The following LIMCH1 variants were observed in gnomAD, a reference collection of about 807,000 sequenced individuals.
LIMCH1 encodes the protein LIM and calponin homology domains-containing protein 1.
LIMCH1 carries 113 observed loss-of-function variants against 176.5 expected under a neutral mutation model. The ratio of observed to expected loss-of-function variants is 0.64; its 90% confidence interval spans 0.55 to 0.75. The LOEUF is 0.75. LIMCH1 is among the 30% of genes least tolerant of loss of function. The pLI, the probability that LIMCH1 is intolerant of heterozygous loss-of-function variation, is 0.00. For missense variants in LIMCH1, 1,674 were observed against 1,814.9 expected (o/e 0.92, Z 1.41); for synonymous variants, 619 against 645.9 (o/e 0.96, Z 0.63).
Position 41,360,900 on chromosome 4 carries a change from C to T in LIMCH1, c.60C>T (p.Pro20=), listed in dbSNP as rs772963610. 8.8e-6 allele frequency: 14 copies of T among 1,589,288 alleles called. No individual in the cohort carries two copies. In the African/African-American group the frequency reaches 1.6e-4, roughly 18 times the overall value. Residue 20 remains proline (P), a synonymous_variant, in exon 1 of 27, where the codon CCC becomes CCT. Transcript: ENST00000313860. The surrounding 1 kb of genome is among the most constrained non-coding windows in gnomAD (Gnocchi z 4.5). ...AGCCCCTGCAGCCCGAGCCGCCCCC[C>T]GAGCCCGCCTTCTCCGAGGCGCAGA...
intron 4 of LIMCH1, among the ~76,000 whole-genome samples, chr4:41,610,662 G>A (rs1010651847): frequency 6.6e-6 from 1 of 152,084 alleles, no homozygotes; most frequent in African/African-American, 2.4e-5. Flanking sequence ...GTTATTATTA[G>A]TCCCATTTTA....
intron 1 of LIMCH1, chr4:41,472,966 A>G: frequency 1.9e-5 from 18 of 946,288 alleles, no homozygotes; most frequent in Non-Finnish European, 2.3e-5. Context: ...ACTTTGGGAA[A>G]TGCTGCTGTA....
At chr4:41,681,520 C>T (rs114855292) in intron 25 of LIMCH1, among the ~76,000 whole-genome samples, 10,575 of 152,006 alleles carry the variant, frequency 0.07, 397 homozygotes, top group South Asian at 0.12. Flanking sequence ...TTGCTTCTAA[C>T]CCCCCCACAT....
At chr4:41,534,855 C>T (rs991843128), upstream of LIMCH1, among the ~76,000 whole-genome samples, 1 of 151,960 alleles carries the variant, frequency 6.6e-6, no homozygotes, top group Non-Finnish European at 1.5e-5. Flanking sequence ...AGCAATTGCA[C>T]TTAGAATTGA....
chr4:41,384,474 C>T (rs2056206858), intron 1 of LIMCH1, among the ~76,000 whole-genome samples: 1 of 152,092 alleles, frequency 6.6e-6, no homozygotes, highest in Admixed American at 6.5e-5. Flanking sequence ...TCCCAAAGTG[C>T]TGGGATTACA....
intron 31 of LIMCH1, among the ~76,000 whole-genome samples, chr4:41,695,712 T>C (rs1345159464): frequency 6.6e-6 from 1 of 152,150 alleles, no homozygotes; most frequent in Non-Finnish European, 1.5e-5. Flanking sequence ...CATTAATATC[T>C]TTAGGCTAAT....
At chr4:41,450,791 TCTCTCTCAAAAAAAAAAAAAAAAAAAAAA>T (rs2063783644) in intron 1 of LIMCH1, among the ~76,000 whole-genome samples, 1 of 111,784 alleles carries the variant, frequency 8.9e-6, no homozygotes, top group Admixed American at 1.0e-4. Context: ...CAAGACTCTC[TCTCTCTCAAAAAAAAAAAAAAAAAAAAAA>T]AAAGTTGTAG....
chr4:41,657,140 G>A (rs2094486858), intron 18 of LIMCH1, among the ~76,000 whole-genome samples: 1 of 152,234 alleles, frequency 6.6e-6, no homozygotes, highest in Non-Finnish European at 1.5e-5. Context: ...GCTCCTGGCT[G>A]AGTCCCATGC....
chr4:41,632,511 C>T lies in LIMCH1; in HGVS notation c.1602-238C>T, dbSNP rs79248470. On this transcript the variant is annotated intron_variant, in intron 10 of 31. Coordinates refer to ENST00000503057, the MANE Select transcript of LIMCH1 (RefSeq NM_001330672.2). Reference sequence around the variant, plus strand: ...CCTCGAGGCCTTGAATCCTGAGAGGCCCATCATTCAGTCTTGTGGTGACAG... The same window carrying T: ...CCTCGAGGCCTTGAATCCTGAGAGGTCCATCATTCAGTCTTGTGGTGACAG... 2.0e-3 allele frequency among the ~76,000 whole-genome samples: 304 copies of T among 152,242 alleles called. 8 individuals are homozygous for T. The East Asian group carries it at 0.053, about 27-fold the overall frequency.
chr4:41,619,404 C>G lies in LIMCH1; in HGVS notation c.422C>G (p.Thr141Ser), dbSNP rs774673385. 6.2e-7 allele frequency: 1 copy of G among 1,612,410 alleles called. No individual in the cohort carries two copies. Among genetic ancestry groups the G allele is most frequent in the South Asian group, 1.1e-5 (1 of 91,076 alleles). ...GAGGAATACCGCAAGAGCTGGAGTA[C>G]CGCCACCTCCCCGCTGGGTGGGGAG... is the stretch of plus-strand genomic sequence containing the variant. ...EREEYRKSWSTATSPLGGERP... is the reference protein window; with the variant it reads ...EREEYRKSWSSATSPLGGERP... The change falls in exon 6 of 32, where the codon ACC (threonine) becomes AGC (serine). Residue 141 changes from threonine to serine, a missense_variant. Physicochemically the swap from Thr to Ser is moderately conservative, Grantham distance 58 (BLOSUM62 1). This residue lies in a region of LIMCH1 where 655 missense variants were observed against 692.2 expected (regional missense o/e 0.95). Coordinates refer to ENST00000503057, the MANE Select transcript of LIMCH1 (RefSeq NM_001330672.2).
At chr4:41,612,847 CTTTCTTTTTT>C in intron 4 of LIMCH1, 1 of 1,190,098 alleles carries the variant, frequency 8.4e-7, no homozygotes, top group Non-Finnish European at 1.1e-6. Flanking sequence ...TTTTCATTGC[CTTTCTTTTTT>C]TTTTTTTTTT....
intron 1 of LIMCH1, among the ~76,000 whole-genome samples, chr4:41,481,568 G>A (rs2068630503): frequency 6.6e-6 from 1 of 152,208 alleles, no homozygotes; most frequent in African/African-American, 2.4e-5. Flanking sequence ...TGGCTGGAGT[G>A]GAAGCAGAGA....
chr4:41,498,545 C>T (rs1409975928), intron 2 of LIMCH1, among the ~76,000 whole-genome samples: 5 of 152,154 alleles, frequency 3.3e-5, no homozygotes, highest in African/African-American at 9.7e-5. Flanking sequence ...GAACCCTCTT[C>T]TGAGTATTTA....
rs527956621 is a variant in LIMCH1, at chr4:41,573,445, A to T, written c.-240-25475A>T. ...TCTAGTAATTTCTCTGTATGTTGAT[A>T]TGTATGTAAATGACATGGTTGAGGT... On this transcript the variant is annotated intron_variant, in intron 1 of 31. Coordinates refer to ENST00000503057, the MANE Select transcript of LIMCH1 (RefSeq NM_001330672.2). 7.2e-5 allele frequency among the ~76,000 whole-genome samples: 11 copies of T among 152,352 alleles called. No homozygotes were observed. In the East Asian group the frequency reaches 2.1e-3, roughly 29 times the overall value.
chr4:41,478,175 T>C (rs1474429125), intron 1 of LIMCH1, among the ~76,000 whole-genome samples: 1 of 152,190 alleles, frequency 6.6e-6, no homozygotes, highest in Non-Finnish European at 1.5e-5. Flanking sequence ...GAGAATTACA[T>C]GAAACAAATA....
chr4:41,529,061 CT>C (rs1183771809), intron 3 of LIMCH1, among the ~76,000 whole-genome samples: 1 of 152,092 alleles, frequency 6.6e-6, no homozygotes, highest in African/African-American at 2.4e-5. Context: ...ATACTGTTTG[CT>C]GCTGCCAGAG....
intron 18 of LIMCH1, among the ~76,000 whole-genome samples, chr4:41,655,712 T>C (rs2152960005): frequency 6.6e-6 from 1 of 151,972 alleles, no homozygotes; most frequent in South Asian, 2.1e-4. Context: ...TTGTAGAGAA[T>C]GGGGTCTCAC....
Position 41,605,951 on chromosome 4 carries a change from G to A in LIMCH1, c.-45G>A, listed in dbSNP as rs762835260. Reference sequence around the variant, plus strand: ...AGCAAACAGCTGCACATCCTACAGCGGAACGACACTAAACCTGAAGGAGTT... The same window carrying A: ...AGCAAACAGCTGCACATCCTACAGCAGAACGACACTAAACCTGAAGGAGTT... On this transcript the variant is annotated 5_prime_UTR_variant, in exon 4 of 32. Transcript: ENST00000503057. The A allele has an allele frequency of 6.2e-5, 100 of 1,613,660 alleles. No individual in the cohort carries two copies. Among genetic ancestry groups the A allele is most frequent in the Admixed American group, 2.3e-4 (14 of 59,994 alleles).
At chr4:41,386,552 C>T (rs547669321) in intron 1 of LIMCH1, among the ~76,000 whole-genome samples, 37 of 152,068 alleles carry the variant, frequency 2.4e-4, no homozygotes, top group Non-Finnish European at 4.7e-4. Context: ...CTGTGACTTT[C>T]CTATATTGGA....
Sources: allele counts gnomAD v4.1 joint callset (sites outside exome capture counted in the v4.1 genomes callset), GRCh38; gene constraint gnomAD v4.1.1; regional missense constraint gnomAD v4.1.1; non-coding constraint Gnocchi (gnomAD v3.1); transcripts MANE v1.5; gene names NCBI Gene and HGNC (gene_info 2026-07-23, HGNC 2026-07-21).